ARAP2: variants seen among roughly 807,000 people sequenced by gnomAD.
The protein encoded by ARAP2 is arf-GAP with Rho-GAP domain, ANK repeat and PH domain-containing protein 2.
Under a neutral mutation model 194.5 loss-of-function variants are expected in ARAP2, and 148 were observed. That is an observed-to-expected ratio of 0.76 (90% CI 0.67 to 0.87). ARAP2 has a LOEUF of 0.87. Among genes scored for constraint, ARAP2 ranks in the 40% least tolerant of loss-of-function variants. The probability of loss-of-function intolerance (pLI) is 0.00; values close to 1 mark genes in which losing one functional copy is unlikely to be tolerated. For synonymous variants in ARAP2, 695 were observed against 683.5 expected, an observed-to-expected ratio of 1.02 and a Z score of -0.26; for missense variants, 2,128 against 1,989.7, an observed-to-expected ratio of 1.07 and a Z score of -1.32.
At chr4:36,185,593 T>C (rs980332881) in intron 8 of ARAP2, among the ~76,000 whole-genome samples, 1 of 152,010 alleles carries the variant, frequency 6.6e-6, no homozygotes, top group East Asian at 1.9e-4. Flanking sequence ...GCCAGGAATC[T>C]AGCAGTTAAA....
intron 2 of ARAP2, among the ~76,000 whole-genome samples, chr4:36,218,275 T>C (rs1312982576): frequency 6.6e-6 from 1 of 151,770 alleles, no homozygotes; most frequent in African/African-American, 2.4e-5. Flanking sequence ...GATGAGAACA[T>C]ATGAGCACAA....
intron 27 of ARAP2, among the ~76,000 whole-genome samples, chr4:36,098,696 A>T (rs987524132): frequency 4.6e-5 from 7 of 152,072 alleles, no homozygotes; most frequent in Admixed American, 2.6e-4. Context: ...CACTTGATTG[A>T]TCTTGAGAGA....
intron 7 of ARAP2, chr4:36,015,878 C>G (rs1052884356): frequency 2.0e-5 from 3 of 152,110 alleles, no homozygotes; most frequent in Admixed American, 6.6e-5. Flanking sequence ...TGATAAATCC[C>G]AAGAAGCGTT....
In ARAP2 at chr4:36,212,424, C is replaced by T. The variant is rs569673496; in HGVS notation, c.1105G>A (p.Ala369Thr). 2.5e-6 allele frequency: 4 copies of T among 1,612,232 alleles called. No homozygotes were observed. The African/African-American group carries it at 4.0e-5, about 16-fold the overall frequency. Residue 369 changes from alanine to threonine, a missense_variant, in exon 5 of 33, where the codon GCA becomes ACA. Ala to Thr is a moderately conservative substitution (Grantham distance 58, BLOSUM62 0). Transcript: ENST00000303965. ...GATTTGATGATAAAAGAGTTTGTTG[C>T]AGTAGCTGCTTCCCCTTTGAGTGCT... The part of the protein sequence containing the change: ...GEALKGEAAT[A>T]TNSFIIKSSI...
chr4:36,091,928 A>T lies in ARAP2; in HGVS notation c.4378T>A (p.Tyr1460Asn). Residue 1460 changes from tyrosine to asparagine, a missense_variant, in exon 28 of 33, where the codon TAT becomes AAT. Transcript: ENST00000303965. ...AGAAACCCATCTCGTAAAACAAAAT[A>T]CCGGTCTTGAAACTTATTTCCAGAT... ...ILSGNKFQDR[Y>N]FVLRDGFLFL... 6.2e-7 allele frequency: 1 copy of T among 1,608,146 alleles called. No individual in the cohort carries two copies. The highest frequency in any genetic ancestry group is 1.3e-5 in the African/African-American group (1 of 74,956).
chr4:36,077,959 T>A (rs1232496488), intron 31 of ARAP2, among the ~76,000 whole-genome samples: 3 of 152,122 alleles, frequency 2.0e-5, no homozygotes, highest in Admixed American at 2.0e-4. Context: ...TGTCACCTAC[T>A]CAGAAAGCCA....
At chr4:36,007,767 TTTC>T (rs1179721045) in intron 9 of ARAP2, among the ~76,000 whole-genome samples, 1 of 152,172 alleles carries the variant, frequency 6.6e-6, no homozygotes, top group Non-Finnish European at 1.5e-5. Flanking sequence ...TATGCTTTCA[TTTC>T]TTTTTTGTTT....
rs780823177 is a variant in ARAP2, at chr4:36,228,683, C to T, written c.804G>A (p.Val268=). The T allele has an allele frequency of 3.1e-6, 5 of 1,613,914 alleles. No individual in the cohort carries two copies. Among genetic ancestry groups the T allele is most frequent in the Admixed American group, 3.3e-5 (2 of 59,978 alleles). ...TTGAAACCAACTTGCTACGACTTCT[C>T]ACAGGTGCTAGGATTGGTGATGATG... ...YVPSSPILAP[V]RSRSKLVSRP... Residue 268 remains valine, a synonymous_variant, in exon 2 of 33, where the codon GTG becomes GTA. Transcript: ENST00000303965.
intron 6 of ARAP2, 116 bp downstream of exon 6, chr4:36,210,274 G>C: frequency 1.1e-6 from 1 of 907,358 alleles, no homozygotes; most frequent in South Asian, 1.8e-5. Context: ...TGGCATCTCT[G>C]TGTATGTGTG....
At chr4:36,129,594 A>C (rs147039090) in intron 20 of ARAP2, among the ~76,000 whole-genome samples, 1 of 151,966 alleles carries the variant, frequency 6.6e-6, no homozygotes, top group African/African-American at 2.4e-5. Flanking sequence ...CCATGATATC[A>C]TAATTTCATA....
At chr4:36,072,421 TC>T (rs1384946192) in intron 32 of ARAP2, among the ~76,000 whole-genome samples, 1 of 152,150 alleles carries the variant, frequency 6.6e-6, no homozygotes, top group African/African-American at 2.4e-5. Context: ...CAGTCAATCA[TC>T]ATCTATATTA....
intron 27 of ARAP2, among the ~76,000 whole-genome samples, chr4:36,093,207 G>A (rs1295167807): frequency 6.6e-6 from 1 of 152,030 alleles, no homozygotes; most frequent in East Asian, 1.9e-4. Context: ...CCTATTGGAA[G>A]GCGGAGGGTG....
chr4:36,149,421 AAT>A (rs1730412112), intron 16 of ARAP2, among the ~76,000 whole-genome samples: 3 of 152,152 alleles, frequency 2.0e-5, no homozygotes, highest in Non-Finnish European at 4.4e-5. Flanking sequence ...CTCTTCCTAA[AAT>A]ATGTCTATAT....
At chr4:36,096,823 G>C (rs1358073882) in intron 27 of ARAP2, among the ~76,000 whole-genome samples, 2 of 152,130 alleles carry the variant, frequency 1.3e-5, no homozygotes, top group Admixed American at 6.6e-5. Flanking sequence ...CTAAGAAGTA[G>C]AGTAAGCAAT....
At chr4:36,017,582 A>AAAAAAAAAAAAAAAAAAAC (rs1716082344) in intron 6 of ARAP2, among the ~76,000 whole-genome samples, 1 of 149,902 alleles carries the variant, frequency 6.7e-6, no homozygotes, top group Non-Finnish European at 1.5e-5. Flanking sequence ...AAAAAAAAAA[A>AAAAAAAAAAAAAAAAAAAC]AAAAAGCTTT....
intron 2 of ARAP2, among the ~76,000 whole-genome samples, chr4:36,226,964 C>T (rs908059120): frequency 5.3e-5 from 8 of 152,220 alleles, no homozygotes; most frequent in Non-Finnish European, 1.0e-4. Context: ...TTCTCATTCA[C>T]CTTCTTTTAA....
chr4:36,139,111 T>C (rs1009690180), intron 19 of ARAP2, among the ~76,000 whole-genome samples: 59 of 147,184 alleles, frequency 4.0e-4, no homozygotes, highest in Middle Eastern at 3.6e-3. Flanking sequence ...TTTCATTTTA[T>C]TAACCATGTT....
chr4:36,116,891 G>A (rs952426439), intron 25 of ARAP2, among the ~76,000 whole-genome samples, 170 bp downstream of exon 25: 3 of 151,666 alleles, frequency 2.0e-5, no homozygotes, highest in Admixed American at 1.3e-4. Flanking sequence ...CTTTCCAAAC[G>A]ATCAAAATAC....
chr4:36,078,884 C>T (rs918761502), intron 31 of ARAP2, among the ~76,000 whole-genome samples: 3 of 150,664 alleles, frequency 2.0e-5, no homozygotes, highest in African/African-American at 7.4e-5. Flanking sequence ...TAAAGTAGAA[C>T]TCGATGTGGC....
Sources: gnomAD v4.1 joint callset for allele counts (sites outside exome capture counted in the v4.1 genomes callset) on GRCh38, gnomAD v4.1.1 for gene constraint, MANE v1.5 for transcripts, NCBI Gene and HGNC (gene_info 2026-07-23, HGNC 2026-07-21) for gene names.